Variants in METTL15 observed in about 807,000 individuals in gnomAD.
METTL15 encodes the protein methyltransferase 15, mitochondrial 12S rRNA N4-cytidine.
In METTL15, 34 loss-of-function variants were observed where a neutral mutation model predicts 38.3. That is an observed-to-expected ratio of 0.89 (90% CI 0.68 to 1.18). The LOEUF is 1.18. Among genes scored for constraint, METTL15 ranks in the 50% most tolerant of loss-of-function variants. The pLI is 0.00. For missense variants in METTL15, 438 were observed against 498.4 expected, an observed-to-expected ratio of 0.88 and a Z score of 1.15; for synonymous variants, 162 against 170.9, an observed-to-expected ratio of 0.95 and a Z score of 0.41.
At chr11:28,439,624 C>T (rs896058387) in intron 6 of METTL15, among the ~76,000 whole-genome samples, 36 of 152,322 alleles carry the variant, frequency 2.4e-4, no homozygotes, top group African/African-American at 7.5e-4. Context: ...AGAAAAGGTA[C>T]TCTGTGAGTA....
downstream of METTL15, among the ~76,000 whole-genome samples, chr11:28,333,854 C>A (rs1849875562): frequency 6.6e-6 from 1 of 151,618 alleles, no homozygotes; most frequent in Admixed American, 6.6e-5. Context: ...TTTAAATGAA[C>A]TAATATTTCT....
Position 28,332,004 on chromosome 11 carries a change from A to G in METTL15, c.*1163A>G, listed in dbSNP as rs1159722648. ...TGCACTTTTTTCAAATACAGAAAAA[A>G]GATTCTCCATTATAGTTACAAATTT... On this transcript the variant is annotated 3_prime_UTR_variant, in exon 7 of 7. Coordinates refer to ENST00000407364, the MANE Select transcript of METTL15 (RefSeq NM_001113528.2). 3 of 152,186 alleles carry G rather than the reference A, an allele frequency of 2.0e-5. No homozygotes were observed. Among genetic ancestry groups the G allele is most frequent in the Non-Finnish European group, 4.4e-5 (3 of 68,018 alleles). The allele number at this position is 152,186 out of a possible 1,614,324, so 9.4% of individuals were successfully genotyped here.
chr11:28,267,786 C>T (rs1027341236), intron 4 of METTL15, among the ~76,000 whole-genome samples: 11 of 152,182 alleles, frequency 7.2e-5, no homozygotes, highest in African/African-American at 2.7e-4. Context: ...ATATACATCT[C>T]CTGCTCCTTG....
intron 5 of METTL15, among the ~76,000 whole-genome samples, chr11:28,410,199 A>T (rs570069098): frequency 1.3e-5 from 2 of 152,298 alleles, no homozygotes; most frequent in East Asian, 3.9e-4. Flanking sequence ...AAGAAGAATG[A>T]TTACCAATAA....
At chr11:28,248,583 A>G (rs992448834) in intron 4 of METTL15, among the ~76,000 whole-genome samples, 1 of 152,082 alleles carries the variant, frequency 6.6e-6, no homozygotes, top group African/African-American at 2.4e-5. Flanking sequence ...ACATCCATGC[A>G]CATTTTAAAC....
At chr11:28,260,333 T>C (rs1855151070) in intron 4 of METTL15, among the ~76,000 whole-genome samples, 1 of 152,210 alleles carries the variant, frequency 6.6e-6, no homozygotes, top group Non-Finnish European at 1.5e-5. Flanking sequence ...ATACTGCTGC[T>C]GAAATGACCC....
chr11:28,232,221 A>G (rs1336507883), intron 4 of METTL15, among the ~76,000 whole-genome samples: 2 of 151,952 alleles, frequency 1.3e-5, no homozygotes, highest in Non-Finnish European at 2.9e-5. Flanking sequence ...AACCCTGATT[A>G]GATATACCAT....
intron 4 of METTL15, among the ~76,000 whole-genome samples, chr11:28,270,735 A>G (rs774613492): frequency 2.6e-5 from 4 of 152,186 alleles, no homozygotes; most frequent in Non-Finnish European, 5.9e-5. Context: ...TAATAACTCA[A>G]ATGGTAGCTA....
intron 6 of METTL15, among the ~76,000 whole-genome samples, chr11:28,299,637 C>G (rs1181860617): frequency 6.6e-6 from 1 of 152,022 alleles, no homozygotes; most frequent in Admixed American, 6.6e-5. Context: ...TCTGTCCAGT[C>G]CAATAAATCA....
In METTL15 at chr11:28,249,978, G is replaced by A. The variant is rs559978628; in HGVS notation, c.407+38780G>A. The stretch of plus-strand genomic sequence containing the variant: ...TTGAAAGTAAGAACATGTTGTATTT[G>A]GTTTTCTATCCCTGAGTTAGTTTGC... On this transcript the variant is annotated intron_variant, in intron 4 of 6. Transcript: ENST00000407364. 4.0e-4 allele frequency among the ~76,000 whole-genome samples: 61 copies of A among 152,006 alleles called. No homozygotes were observed. The South Asian group carries it at 0.012, about 30-fold the overall frequency.
chr11:28,124,570 A>G lies in METTL15; in HGVS notation c.270+10966A>G, dbSNP rs143868270. Among the ~76,000 whole-genome samples, 509 of 152,256 alleles carry G rather than the reference A, an allele frequency of 3.3e-3. 6 individuals are homozygous for G. The highest frequency in any genetic ancestry group is 0.012 in the African/African-American group (491 of 41,572). ...GCCAACTAGAGCCATTAAGTGACTG[A>G]GGCTTAGAAATGAGGGTGGAGAGAA... On this transcript the variant is annotated intron_variant, in intron 3 of 6. Transcript: ENST00000407364.
chr11:28,283,568 G>A (rs1184001096), intron 4 of METTL15, among the ~76,000 whole-genome samples: 2 of 152,140 alleles, frequency 1.3e-5, no homozygotes, highest in Non-Finnish European at 2.9e-5. Context: ...GTATCACTCA[G>A]TCTCAGATAT....
At chr11:28,154,345 C>A (rs183029488) in intron 3 of METTL15, among the ~76,000 whole-genome samples, 60 of 152,114 alleles carry the variant, frequency 3.9e-4, no homozygotes, top group African/African-American at 1.4e-3. Flanking sequence ...GTAGTAAATT[C>A]TTGGTAAATC....
chr11:28,178,624 T>A (rs1292637036), intron 3 of METTL15, among the ~76,000 whole-genome samples: 1 of 151,894 alleles, frequency 6.6e-6, no homozygotes, highest in Non-Finnish European at 1.5e-5. Flanking sequence ...TACATTTTAA[T>A]GTGCTTTCCC....
At chr11:28,235,335 C>G (rs1048859952) in intron 4 of METTL15, among the ~76,000 whole-genome samples, 7 of 151,954 alleles carry the variant, frequency 4.6e-5, no homozygotes, top group African/African-American at 7.3e-5. Context: ...TTTTCCAATT[C>G]TGTGAAGAAA....
At chr11:28,138,535 G>C (rs980130942) in intron 3 of METTL15, among the ~76,000 whole-genome samples, 7 of 152,214 alleles carry the variant, frequency 4.6e-5, no homozygotes, top group African/African-American at 1.7e-4. Flanking sequence ...CAAAGAAGTG[G>C]TAAGCACTTC....
intron 5 of METTL15, among the ~76,000 whole-genome samples, chr11:28,375,181 A>G (rs1850294461): frequency 7.1e-6 from 1 of 140,544 alleles, no homozygotes; most frequent in Non-Finnish European, 1.5e-5. Context: ...CTGGCCTCAT[A>G]AAATGAGTTA....
chr11:28,175,079 A>G (rs1333944859), intron 3 of METTL15, among the ~76,000 whole-genome samples: 3 of 151,964 alleles, frequency 2.0e-5, no homozygotes, highest in African/African-American at 7.3e-5. Flanking sequence ...GTAAATCTCC[A>G]AATGCTATCC....
chr11:28,124,962 T>G (rs1480855876), intron 3 of METTL15, among the ~76,000 whole-genome samples: 1 of 152,112 alleles, frequency 6.6e-6, no homozygotes, highest in Non-Finnish European at 1.5e-5. Context: ...ACTTGATTTT[T>G]CTCCAATTTA....
Sources: gnomAD v4.1 joint callset for allele counts (sites outside exome capture counted in the v4.1 genomes callset) on GRCh38, gnomAD v4.1.1 for gene constraint, MANE v1.5 for transcripts, NCBI Gene and HGNC (gene_info 2026-07-23, HGNC 2026-07-21) for gene names.